Variants in JAKMIP3 observed in about 807,000 individuals in gnomAD.
The protein encoded by JAKMIP3 is janus kinase and microtubule-interacting protein 3.
JAKMIP3 carries 58 observed loss-of-function variants against 118.5 expected under a neutral mutation model. The observed-to-expected ratio is 0.49, with a 90% CI of 0.40 to 0.61. The LOEUF is 0.61. Ranked by LOEUF, JAKMIP3 falls within the 20% of genes least tolerant of loss-of-function variation. The pLI is 0.00. For missense variants in JAKMIP3, 950 were observed against 1,109.0 expected (o/e 0.86, Z 2.04); for synonymous variants, 486 against 451.2 (o/e 1.08, Z -0.98).
At chr10:132,176,514 C>T (rs1386729154) in intron 23 of JAKMIP3, among the ~76,000 whole-genome samples, 1 of 152,190 alleles carries the variant, frequency 6.6e-6, no homozygotes, top group Non-Finnish European at 1.5e-5. Context: ...TGACCTCTGA[C>T]TTCGTGGCCC....
chr10:132,104,712 C>G lies in JAKMIP3; in HGVS notation c.-97C>G. On this transcript the variant is annotated 5_prime_UTR_variant, in exon 2 of 24. Coordinates refer to ENST00000684848, the MANE Select transcript of JAKMIP3 (RefSeq NM_001323087.2). The stretch of plus-strand genomic sequence containing the variant: ...TAGTGTGACAGCAGCCCGGGTGACA[C>G]CTGCTGGGAGCTTGGCGTGGACACC... The G allele has an allele frequency of 2.3e-6, 3 of 1,281,896 alleles. No individual in the cohort carries two copies. Among genetic ancestry groups the G allele is most frequent in the South Asian group, 2.8e-5 (2 of 72,600 alleles). The allele number at this position is 1,281,896 out of a possible 1,614,324, so 79.4% of individuals were successfully genotyped here. A position where few individuals can be genotyped will look rare whatever the true frequency, so the allele number is the denominator to read the frequency against.
intron 19 of JAKMIP3, among the ~76,000 whole-genome samples, chr10:132,156,234 G>A (rs1197924884): frequency 1.3e-5 from 2 of 152,208 alleles, no homozygotes; most frequent in Non-Finnish European, 1.5e-5. Context: ...TCTGTCCCCC[G>A]AAGCTTCTTG....
Position 132,112,061 on chromosome 10 carries a change from TG to T in JAKMIP3, c.136-5013del, listed in dbSNP as rs1367423066. Among the ~76,000 whole-genome samples the T allele has an allele frequency of 6.6e-6, 1 of 151,622 alleles. No homozygotes were observed. The highest frequency in any genetic ancestry group is 1.5e-5 in the Non-Finnish European group (1 of 67,848). On this transcript the variant is annotated intron_variant, in intron 2 of 23. Transcript: ENST00000684848. This position sits in a 1 kb window ranked among gnomAD's most constrained non-coding sequence, Gnocchi z 4.3. ...GTAGAGCGTGCGGGTGGACGGTGCATGGGATGCTCCAGGCTTGGGTCTGAGC... is the reference window on the plus strand; with the variant it reads ...GTAGAGCGTGCGGGTGGACGGTGCATGGATGCTCCAGGCTTGGGTCTGAGC...
chr10:132,104,090 A>G (rs1419094482), intron 1 of JAKMIP3, among the ~76,000 whole-genome samples: 1 of 152,198 alleles, frequency 6.6e-6, no homozygotes, highest in Non-Finnish European at 1.5e-5. Flanking sequence ...ATATTCTGCT[A>G]CGTGGATATT....
chr10:132,174,906 CTTT>C (rs2060010365), intron 23 of JAKMIP3, among the ~76,000 whole-genome samples: 2 of 152,150 alleles, frequency 1.3e-5, no homozygotes, highest in Admixed American at 6.5e-5. Context: ...CTTATACCTT[CTTT>C]GGTGAAACAT....
In JAKMIP3 at chr10:132,168,310, G is replaced by A. The variant is rs1425129263; in HGVS notation, c.*380G>A. 1.6e-6 allele frequency: 2 copies of A among 1,289,420 alleles called. No individual in the cohort carries two copies. The highest frequency in any genetic ancestry group is 2.0e-6 in the Non-Finnish European group (2 of 988,822). The allele number at this position is 1,289,420 out of a possible 1,614,324, so 79.9% of individuals were successfully genotyped here. ...TTCTGTGCAGAAGCACCAGCCGCGGGTCCCCTCCTCTCTCTTGGTTCTCAC... is the reference window on the plus strand; with the variant it reads ...TTCTGTGCAGAAGCACCAGCCGCGGATCCCCTCCTCTCTCTTGGTTCTCAC... On this transcript the variant is annotated 3_prime_UTR_variant, in exon 23 of 24. Coordinates refer to ENST00000684848, the MANE Select transcript of JAKMIP3 (RefSeq NM_001323087.2).
At chr10:132,063,884 G>T (rs543276399), upstream of JAKMIP3, among the ~76,000 whole-genome samples, 2 of 152,164 alleles carry the variant, frequency 1.3e-5, no homozygotes. Flanking sequence ...TGGTATCTAC[G>T]CTTTCAGGCT....
At position 132,049,456 on chromosome 10, in the gene JAKMIP3, T is replaced by C. The variant is rs2038036845; in HGVS notation, c.-138+12718T>C. 6.6e-6 allele frequency among the ~76,000 whole-genome samples: 1 copy of C among 152,220 alleles called. No individual in the cohort carries two copies. On this transcript the variant is annotated intron_variant, in intron 1 of 23. Coordinates refer to the JAKMIP3 transcript ENST00000657785. This position sits in a 1 kb window ranked among gnomAD's most constrained non-coding sequence, Gnocchi z 4.3. ...AAATTGTCGTTTGTGTTATTCTCCC[T>C]TGGGCATCTTACAATTTATTTCTCA...
At chr10:132,134,181 C>T (rs1317974718) in intron 4 of JAKMIP3, among the ~76,000 whole-genome samples, 2 of 152,168 alleles carry the variant, frequency 1.3e-5, no homozygotes, top group Admixed American at 6.5e-5. Context: ...GTCCAGGGAC[C>T]CTCCAGCTGG....
intron 5 of JAKMIP3, among the ~76,000 whole-genome samples, chr10:132,135,445 T>G (rs2051551096): frequency 6.6e-6 from 1 of 152,240 alleles, no homozygotes. Flanking sequence ...ACGCGGCCTC[T>G]CAGTGGGGCT....
At chr10:132,122,146 C>A (rs773163380) in intron 3 of JAKMIP3, among the ~76,000 whole-genome samples, 1 of 152,224 alleles carries the variant, frequency 6.6e-6, no homozygotes, top group Non-Finnish European at 1.5e-5. Flanking sequence ...CCCCTGTCCC[C>A]GCAAAGGCCC....
chr10:132,038,890 C>T (rs1031507792), intron 1 of JAKMIP3, among the ~76,000 whole-genome samples: 1 of 151,998 alleles, frequency 6.6e-6, no homozygotes, highest in South Asian at 2.1e-4. Flanking sequence ...GGGTGTCCCC[C>T]TGTTAGGGTA....
At chr10:132,070,391 G>T (rs959598828) in intron 1 of JAKMIP3, among the ~76,000 whole-genome samples, 1 of 152,026 alleles carries the variant, frequency 6.6e-6, no homozygotes, top group East Asian at 1.9e-4. Context: ...CAGGTGATCC[G>T]CCTGCCTCAG....
intron 23 of JAKMIP3, among the ~76,000 whole-genome samples, chr10:132,180,275 C>G (rs971783310): frequency 1.7e-4 from 26 of 152,082 alleles, no homozygotes; most frequent in Non-Finnish European, 3.2e-4. Flanking sequence ...GGTGCCAGAG[C>G]TTGCTTGGGG....
chr10:132,133,265 G>A, intron 3 of JAKMIP3, 47 bp from the exon 4 acceptor site: 2 of 1,475,380 alleles, frequency 1.4e-6, no homozygotes, highest in African/African-American at 1.4e-5. Context: ...GGTAACTGCA[G>A]ATCCGTGTCC....
Position 132,135,950 on chromosome 10 carries a change from TGA to T in JAKMIP3, c.994_995del (p.Gln333ValfsTer7). On this transcript the variant is annotated frameshift_variant, in exon 6 of 24. Coordinates refer to ENST00000684848, the MANE Select transcript of JAKMIP3 (RefSeq NM_001323087.2). ...NELLKRVREA[E>X]SQYKPLLDKN... ...TTCAGTTGAAGCGCGTAAGAGAAGCTGAGAGTCAGTACAAGCCTCTGCTGGAT... is the reference window on the plus strand; with the variant it reads ...TTCAGTTGAAGCGCGTAAGAGAAGCTGAGTCAGTACAAGCCTCTGCTGGAT... 6.2e-7 allele frequency: 1 copy of T among 1,612,972 alleles called. No homozygotes were observed. The highest frequency in any genetic ancestry group is 8.5e-7 in the Non-Finnish European group (1 of 1,179,578).
intron 1 of JAKMIP3, among the ~76,000 whole-genome samples, chr10:132,079,480 G>A (rs1397920371): frequency 6.6e-6 from 1 of 152,156 alleles, no homozygotes; most frequent in Non-Finnish European, 1.5e-5. Flanking sequence ...CCAGCAGTTG[G>A]CTGCAGAGAT....
At chr10:132,174,871 T>C (rs1026154153) in intron 23 of JAKMIP3, among the ~76,000 whole-genome samples, 3 of 152,178 alleles carry the variant, frequency 2.0e-5, no homozygotes, top group African/African-American at 7.2e-5. Context: ...ATGTTGAGCA[T>C]CTTTTTGTGT....
At chr10:132,149,303 T>C in intron 14 of JAKMIP3, 109 bp from the exon 15 acceptor site, 1 of 708,546 alleles carries the variant, frequency 1.4e-6, no homozygotes, top group South Asian at 1.8e-5. Context: ...AATGCTGTGT[T>C]GATCCCTGGT....
Sources: allele counts gnomAD v4.1 joint callset (sites outside exome capture counted in the v4.1 genomes callset), GRCh38; gene constraint gnomAD v4.1.1; non-coding constraint Gnocchi (gnomAD v3.1); transcripts MANE v1.5; gene names NCBI Gene and HGNC (gene_info 2026-07-23, HGNC 2026-07-21).